POLR1A: variants seen among roughly 807,000 people sequenced by gnomAD.
POLR1A encodes RNA polymerase I subunit A, also known as DNA-directed RNA polymerase I subunit RPA1.
In POLR1A, 84 loss-of-function variants were observed where a neutral mutation model predicts 205.3. The ratio of observed to expected loss-of-function variants is 0.41; its 90% CI spans 0.34 to 0.49. The LOEUF (loss-of-function observed/expected upper bound fraction) is 0.49. Among genes scored for constraint, POLR1A ranks in the 20% least tolerant of loss-of-function variants. The pLI, the probability that POLR1A is intolerant of heterozygous loss-of-function variation, is 0.22. For missense variants in POLR1A, 1,645 were observed against 2,204.5 expected, an observed-to-expected ratio of 0.75 and a Z score of 5.08; for synonymous variants, 799 against 863.7, an observed-to-expected ratio of 0.93 and a Z score of 1.31.
At chr2:86,045,557 C>A in intron 20 of POLR1A, 60 bp downstream of exon 20, 1 of 1,563,750 alleles carries the variant, frequency 6.4e-7, no homozygotes, top group South Asian at 1.1e-5. Context: ...AGTCATAGTT[C>A]ACCTACAATT....
Position 86,080,843 on chromosome 2 carries a change from C to A in POLR1A, c.1059G>T (p.Glu353Asp), listed in dbSNP as rs1431695340. Residue 353 changes from glutamate to aspartate, a missense_variant, in exon 9 of 34, where the codon GAG (glutamate) becomes GAT (aspartate). Physicochemically the swap from Glu to Asp is conservative, Grantham distance 45. Around this residue, in one of 16 missense-constraint regions of POLR1A, gnomAD observed 78 missense variants for 77.7 expected, o/e 1.00. Transcript: ENST00000263857. ...CATCTGTAGTGGGTGTGGCCACTTC[C>A]TCTGGCAACTTCTGTTCTTGGGCCA... ...ALMAQEQKLP[E>D]EVATPTTDEE... is the part of the protein sequence containing the mutation. The A allele has an allele frequency of 8.1e-6, 13 of 1,613,354 alleles. No individual in the cohort carries two copies. The highest frequency in any genetic ancestry group is 1.1e-5 in the Non-Finnish European group (13 of 1,179,656).
At chr2:86,099,784 T>C (rs1233266198) in intron 2 of POLR1A, among the ~76,000 whole-genome samples, 184 bp downstream of exon 2, 1 of 152,210 alleles carries the variant, frequency 6.6e-6, no homozygotes, top group Non-Finnish European at 1.5e-5. Flanking sequence ...TATTCATTTA[T>C]TTAGGGCCAC....
At chr2:86,056,241 C>T (rs1338416522) in intron 14 of POLR1A, among the ~76,000 whole-genome samples, 1 of 151,868 alleles carries the variant, frequency 6.6e-6, no homozygotes, top group African/African-American at 2.4e-5. Flanking sequence ...CACTTAAGGT[C>T]GGGAGTTTGA....
intron 27 of POLR1A, among the ~76,000 whole-genome samples, chr2:86,034,621 C>T (rs906493936): frequency 1.3e-5 from 2 of 152,052 alleles, no homozygotes; most frequent in Non-Finnish European, 2.9e-5. Context: ...GAATAGCACA[C>T]CAAAAAGGGC....
chr2:86,033,073 G>T (rs1304323619), intron 28 of POLR1A, among the ~76,000 whole-genome samples: 1 of 152,246 alleles, frequency 6.6e-6, no homozygotes, highest in Non-Finnish European at 1.5e-5. Flanking sequence ...GCTGGCTGCT[G>T]GCTCAGATGG....
At chr2:86,080,748 C>T in intron 9 of POLR1A, 68 bp downstream of exon 9, 1 of 1,439,558 alleles carries the variant, frequency 6.9e-7, no homozygotes. Flanking sequence ...CCAGTGTCTA[C>T]ATCCACAGCT....
At chr2:86,089,985 A>G in intron 3 of POLR1A, 56 bp from the exon 4 acceptor site, 1 of 928,220 alleles carries the variant, frequency 1.1e-6, no homozygotes, top group Non-Finnish European at 1.8e-6. Flanking sequence ...TCTGATGAGC[A>G]GCACAACTGG....
In POLR1A at chr2:86,045,538, C is replaced by G. The variant is rs889844372; in HGVS notation, c.2886+79G>C. The G allele has an allele frequency of 3.5e-6, 5 of 1,448,436 alleles. No individual in the cohort carries two copies. In the East Asian group the frequency reaches 9.1e-5, roughly 26 times the overall value. 89.7% of individuals were successfully genotyped at this position (1,448,436 alleles called of 1,614,324 possible). A position where few individuals can be genotyped will look rare whatever the true frequency, so the allele number is the denominator to read the frequency against. On this transcript the variant is annotated intron_variant, in intron 20 of 33. Coordinates refer to ENST00000263857, the MANE Select transcript of POLR1A (RefSeq NM_015425.6). The stretch of plus-strand genomic sequence containing the variant: ...AGCCCCCAGTGTCTTCTGCCCTACC[C>G]TGTAGGGCAGTCATAGTTCACCTAC...
intron 16 of POLR1A, among the ~76,000 whole-genome samples, chr2:86,050,296 G>C (rs1335975178): frequency 2.0e-5 from 3 of 152,222 alleles, no homozygotes; most frequent in Non-Finnish European, 4.4e-5. Context: ...AAAGAAAACA[G>C]CAGGTGTACT....
rs749615254 is a variant in POLR1A at position 86,027,996 on chromosome 2, C to G, written c.4951G>C (p.Glu1651Gln). The G allele has an allele frequency of 6.2e-7, 1 of 1,614,058 alleles. No homozygotes were observed. The highest frequency in any genetic ancestry group is 1.7e-5 in the Admixed American group (1 of 59,998). The change falls in exon 33 of 34, where the codon GAG (glutamate) becomes CAG (glutamine). Residue 1651 changes from glutamate (E) to glutamine (Q), a missense_variant. Coordinates refer to ENST00000263857, the MANE Select transcript of POLR1A (RefSeq NM_015425.6). Reference protein sequence around the residue: ...LSLVADYMCFEGVYKPLNRFG... With the variant: ...LSLVADYMCFQGVYKPLNRFG... Reference sequence around the variant, plus strand: ...CGATTCAGTGGCTTGTAAACACCCTCGAAGCACATATAATCAGCAACCAGG... The same window carrying G: ...CGATTCAGTGGCTTGTAAACACCCTGGAAGCACATATAATCAGCAACCAGG...
At chr2:86,058,255 C>T (rs1254312488) in intron 14 of POLR1A, among the ~76,000 whole-genome samples, 1 of 152,168 alleles carries the variant, frequency 6.6e-6, no homozygotes, top group Non-Finnish European at 1.5e-5. Context: ...CATGTGCCAC[C>T]ATGCCTGGAT....
In POLR1A at chr2:86,028,857, A is replaced by G; in HGVS notation, c.4780-146T>C. 1.6e-6 allele frequency: 1 copy of G among 633,260 alleles called. No individual in the cohort carries two copies. Among genetic ancestry groups the G allele is most frequent in the Admixed American group, 2.4e-5 (1 of 41,860 alleles). The allele number at this position is 633,260 out of a possible 1,614,324, so 39.2% of individuals were successfully genotyped here. ...CAAAGTGGTCAAGAGGTGGCCCAGGATTAGCAGAAGGAAATGGCTAGGCAG... is the reference window on the plus strand; with the variant it reads ...CAAAGTGGTCAAGAGGTGGCCCAGGGTTAGCAGAAGGAAATGGCTAGGCAG... On this transcript the variant is annotated intron_variant, in intron 31 of 33. Coordinates refer to ENST00000263857, the MANE Select transcript of POLR1A (RefSeq NM_015425.6). This position sits in a 1 kb window ranked among gnomAD's most constrained non-coding sequence, Gnocchi z 4.5.
intron 1 of POLR1A, among the ~76,000 whole-genome samples, chr2:86,101,300 T>C (rs1422502871): frequency 6.6e-6 from 1 of 152,168 alleles, no homozygotes; most frequent in Non-Finnish European, 1.5e-5. Flanking sequence ...CTCCCTTTAA[T>C]AAAGCACAAA....
intron 28 of POLR1A, among the ~76,000 whole-genome samples, 192 bp downstream of exon 28, chr2:86,033,469 G>A (rs1390900086): frequency 6.6e-6 from 1 of 152,248 alleles, no homozygotes. Context: ...TGGCAGCCTC[G>A]CTTGCCTGGC....
rs751748525 is a variant in POLR1A, at chr2:86,044,298, G to A, written c.2976C>T (p.Ile992=). Residue 992 remains isoleucine, a synonymous_variant, in exon 22 of 34, where the codon ATC becomes ATT. Coordinates refer to ENST00000263857, the MANE Select transcript of POLR1A (RefSeq NM_015425.6). ...CGACCAGCCCCTCTAGGTGCTTGATGATGCACCTGTAAGGACACCATCGGC... is the reference window on the plus strand; with the variant it reads ...CGACCAGCCCCTCTAGGTGCTTGATAATGCACCTGTAAGGACACCATCGGC... ...TSRSGYLQRC[I]IKHLEGLVVQ... 1 of 1,614,156 alleles carries A rather than the reference G, an allele frequency of 6.2e-7. No homozygotes were observed. The highest frequency in any genetic ancestry group is 2.2e-5 in the East Asian group (1 of 44,888).
chr2:86,034,890 C>T (rs568016489), intron 27 of POLR1A, among the ~76,000 whole-genome samples: 89 of 152,248 alleles, frequency 5.8e-4, no homozygotes, highest in African/African-American at 2.0e-3. Context: ...CCCACCGTCC[C>T]GAGATGGAGT....
At chr2:86,097,214 CAAAAAAAAAAA>C (rs757210116) in intron 3 of POLR1A, among the ~76,000 whole-genome samples, 220 of 39,712 alleles carry the variant, frequency 5.5e-3, no homozygotes, top group African/African-American at 0.017. Context: ...CCCCAAAAGA[CAAAAAAAAAAA>C]AAAAAAAAAA....
chr2:86,067,264 T>C (rs1673097074), intron 13 of POLR1A, among the ~76,000 whole-genome samples: 1 of 152,224 alleles, frequency 6.6e-6, no homozygotes, highest in Admixed American at 6.5e-5. Flanking sequence ...AGCTTTACTA[T>C]TCTCCTTAAT....
At position 86,028,671 on chromosome 2, in the gene POLR1A, G is replaced by A. The variant is rs780815472; in HGVS notation, c.4820C>T (p.Ala1607Val). The change falls in exon 32 of 34, where the codon GCC (alanine) becomes GTC (valine). Residue 1607 changes from alanine to valine, a missense_variant. Around this residue, in one of 16 missense-constraint regions of POLR1A, gnomAD observed 394 missense variants for 468.5 expected, o/e 0.84. Transcript: ENST00000263857. The surrounding 1 kb of genome is among the most constrained non-coding windows in gnomAD (Gnocchi z 4.5). ...LRRLYSNDIH[A>V]IANTYGIEAA... The stretch of plus-strand genomic sequence containing the variant: ...CTCAATGCCATACGTGTTGGCTATG[G>A]CGTGGATGTCGTTGGAGTAGAGGCG... 6.2e-7 allele frequency: 1 copy of A among 1,614,174 alleles called. No individual in the cohort carries two copies. The highest frequency in any genetic ancestry group is 8.5e-7 in the Non-Finnish European group (1 of 1,179,996).
Sources: allele counts gnomAD v4.1 joint callset (sites outside exome capture counted in the v4.1 genomes callset), GRCh38; gene constraint gnomAD v4.1.1; regional missense constraint gnomAD v4.1.1; non-coding constraint Gnocchi (gnomAD v3.1); transcripts MANE v1.5; gene names NCBI Gene and HGNC (gene_info 2026-07-23, HGNC 2026-07-21).